KANK1: variants seen among roughly 807,000 people sequenced by gnomAD.
The protein encoded by KANK1 is KN motif and ankyrin repeat domain-containing protein 1.
Under a neutral mutation model 106.2 loss-of-function variants are expected in KANK1, and 109 were observed. The ratio of observed to expected loss-of-function variants is 1.03; its 90% CI spans 0.88 to 1.20. The LOEUF (loss-of-function observed/expected upper bound fraction) is 1.20. KANK1 is among the 50% of genes most tolerant of loss of function. KANK1 has a pLI of 0.00. For missense variants in KANK1, 2,399 were observed against 1,710.7 expected (o/e 1.40, Z -7.10); for synonymous variants, 873 against 652.2 (o/e 1.34, Z -5.16).
chr9:632,856 A>AT (rs952737807), intron 1 of KANK1, among the ~76,000 whole-genome samples: 20 of 151,234 alleles, frequency 1.3e-4, no homozygotes, highest in Admixed American at 7.9e-4. Flanking sequence ...CACCCGGCTA[A>AT]TTTTTTTTTG....
At position 745,392 on chromosome 9, in the gene KANK1, A is replaced by G; in HGVS notation, c.*157A>G. On this transcript the variant is annotated 3_prime_UTR_variant, in exon 12 of 12. Coordinates refer to ENST00000382297, the MANE Select transcript of KANK1 (RefSeq NM_015158.5). Reference sequence around the variant, plus strand: ...AAAGGCTGAAGCTTTCACAGTGCAGAGACTGCTAGCCTGGGCACACACACC... The same window carrying G: ...AAAGGCTGAAGCTTTCACAGTGCAGGGACTGCTAGCCTGGGCACACACACC... The G allele has an allele frequency of 1.1e-6, 1 of 870,240 alleles. No individual in the cohort carries two copies. Among genetic ancestry groups the G allele is most frequent in the Middle Eastern group, 3.0e-4 (1 of 3,322 alleles). The allele number at this position is 870,240 out of a possible 1,614,324, so 53.9% of individuals were successfully genotyped here. A position where few individuals can be genotyped will look rare whatever the true frequency, so the allele number is the denominator to read the frequency against.
At chr9:564,552 A>G (rs1482329406) in intron 1 of KANK1, among the ~76,000 whole-genome samples, 12 of 152,210 alleles carry the variant, frequency 7.9e-5, no homozygotes, top group Non-Finnish European at 2.9e-5. Context: ...CATAGTTGCA[A>G]TGTTGAGAGA....
intron 1 of KANK1, among the ~76,000 whole-genome samples, chr9:608,086 G>A (rs980811717): frequency 1.6e-4 from 22 of 139,516 alleles, no homozygotes; most frequent in Admixed American, 6.7e-4. Flanking sequence ...GCCGGACTGC[G>A]GACTGCAGTG....
rs1830708788 is a variant in KANK1 at position 612,136 on chromosome 9, A to G, written c.-83-64754A>G. Among the ~76,000 whole-genome samples the G allele has an allele frequency of 3.3e-5, 5 of 152,152 alleles. No individual in the cohort carries two copies. The South Asian group carries it at 1.0e-3, about 32-fold the overall frequency. The stretch of plus-strand genomic sequence containing the variant: ...CCCATAGTACCTCCCACACAAAGCC[A>G]CCTATGCCTCTTAAATTGCACTTTG... On this transcript the variant is annotated intron_variant, in intron 1 of 11. Coordinates refer to ENST00000382297, the MANE Select transcript of KANK1 (RefSeq NM_015158.5).
rs370066834 is a variant in KANK1 at position 616,987 on chromosome 9, T to C, written c.-83-59903T>C. 3.9e-5 allele frequency among the ~76,000 whole-genome samples: 6 copies of C among 152,268 alleles called. No homozygotes were observed. In the East Asian group the frequency reaches 1.2e-3, roughly 29 times the overall value. On this transcript the variant is annotated intron_variant, in intron 1 of 11. Coordinates refer to ENST00000382297, the MANE Select transcript of KANK1 (RefSeq NM_015158.5). ...CTTAGGAAGGAGCAGGAAATTTTGG[T>C]GAATAGTAATGTAATCTACCACATG...
At chr9:728,676 A>ACGTTCC (rs1231204943) in intron 3 of KANK1, among the ~76,000 whole-genome samples, 2 of 152,178 alleles carry the variant, frequency 1.3e-5, no homozygotes, top group Non-Finnish European at 2.9e-5. Flanking sequence ...CTGAAAAGTG[A>ACGTTCC]CGTTTACCAT....
At position 738,435 on chromosome 9, in the gene KANK1, G is replaced by C; in HGVS notation, c.3484G>C (p.Gly1162Arg). The change falls in exon 8 of 12, where the codon GGC becomes CGC. Residue 1162 changes from glycine (G) to arginine (R), a missense_variant. Transcript: ENST00000382297. Reference protein sequence around the residue: ...RYVINLADGNGNTALHYSVSH... With the variant: ...RYVINLADGNRNTALHYSVSH... ...TGTCATCAACTTGGCAGACGGCAACGGCAACACAGCCCTCCATTACAGCGT... is the reference window on the plus strand; with the variant it reads ...TGTCATCAACTTGGCAGACGGCAACCGCAACACAGCCCTCCATTACAGCGT... 1 of 1,614,026 alleles carries C rather than the reference G, an allele frequency of 6.2e-7. No homozygotes were observed. The highest frequency in any genetic ancestry group is 1.1e-5 in the South Asian group (1 of 91,060).
chr9:525,464 C>T (rs1238460004), intron 1 of KANK1, among the ~76,000 whole-genome samples: 1 of 151,190 alleles, frequency 6.6e-6, no homozygotes, highest in Non-Finnish European at 1.5e-5. Context: ...ACTGCAACTT[C>T]CACCTCCCTG....
chr9:629,245 A>C (rs2078544), intron 1 of KANK1, among the ~76,000 whole-genome samples: 28,157 of 151,998 alleles, frequency 0.19, 3,199 homozygotes, highest in East Asian at 0.34. Flanking sequence ...ACTTTTTAGC[A>C]CCAGGGGAGT....
At chr9:470,323 C>T (rs111896896) in exon 1 of KANK1, 3 of 152,162 alleles carry the variant, frequency 2.0e-5, no homozygotes, top group African/African-American at 7.3e-5. Context: ...CCGAAGCGGG[C>T]GTGCTCCAGC....
In KANK1 at chr9:665,967, C is replaced by T. The variant is rs113828564; in HGVS notation, c.-83-10923C>T. On this transcript the variant is annotated intron_variant, in intron 1 of 11. Coordinates refer to ENST00000382297, the MANE Select transcript of KANK1 (RefSeq NM_015158.5). ...GGCCAAAGCGGGAGAATTGCTTGAG[C>T]CCAGGAGTTTGAGGCCAGCCTGGGC... Among the ~76,000 whole-genome samples the T allele has an allele frequency of 7.1e-3, 1,079 of 152,162 alleles. 20 individuals are homozygous for T. Among genetic ancestry groups the T allele is most frequent in the African/African-American group, 0.025 (1,023 of 41,512 alleles).
At chr9:600,105 A>G (rs1472158335) in intron 1 of KANK1, among the ~76,000 whole-genome samples, 5 of 151,786 alleles carry the variant, frequency 3.3e-5, no homozygotes, top group Non-Finnish European at 5.9e-5. Flanking sequence ...CAATTCAGTA[A>G]TGTTGTTTAC....
At chr9:508,354 C>G (rs1178332460) in intron 1 of KANK1, among the ~76,000 whole-genome samples, 2 of 152,082 alleles carry the variant, frequency 1.3e-5, no homozygotes, top group African/African-American at 2.4e-5. Context: ...TCAGGCTGGT[C>G]TCGAACTCCC....
intron 1 of KANK1, among the ~76,000 whole-genome samples, chr9:556,081 A>T (rs1036251357): frequency 5.3e-5 from 8 of 152,160 alleles, no homozygotes; most frequent in African/African-American, 1.9e-4. Flanking sequence ...TTCTTTCTCT[A>T]CAGTCTGTTT....
intron 2 of KANK1, among the ~76,000 whole-genome samples, chr9:691,968 A>G (rs139415366): frequency 3.9e-5 from 6 of 152,242 alleles, no homozygotes; most frequent in African/African-American, 1.4e-4. Flanking sequence ...ACATTGGGTA[A>G]ATGTGGCACT....
intron 1 of KANK1, among the ~76,000 whole-genome samples, chr9:528,301 C>A (rs1386050769): frequency 6.6e-6 from 1 of 151,504 alleles, no homozygotes; most frequent in Non-Finnish European, 1.5e-5. Flanking sequence ...GATAACTTTC[C>A]CTCTTTTCAT....
intron 1 of KANK1, among the ~76,000 whole-genome samples, chr9:517,947 G>A (rs12344970): frequency 0.27 from 41,391 of 150,796 alleles, 9,838 homozygotes; most frequent in African/African-American, 0.64. Flanking sequence ...ATTATTGGCC[G>A]GGCTGGTCTT....
chr9:522,465 T>C (rs560233402), intron 1 of KANK1, among the ~76,000 whole-genome samples: 9 of 151,552 alleles, frequency 5.9e-5, no homozygotes, highest in Non-Finnish European at 1.2e-4. Context: ...GAGCATATGC[T>C]CTGTGGCATA....
intron 1 of KANK1, among the ~76,000 whole-genome samples, chr9:534,238 C>T (rs139144845): frequency 1.9e-4 from 29 of 152,302 alleles, no homozygotes; most frequent in South Asian, 1.4e-3. Flanking sequence ...CAGAAATGTA[C>T]GTTCTTCCAG....
Sources: allele counts gnomAD v4.1 joint callset (sites outside exome capture counted in the v4.1 genomes callset), GRCh38; gene constraint gnomAD v4.1.1; transcripts MANE v1.5; gene names NCBI Gene and HGNC (gene_info 2026-07-23, HGNC 2026-07-21).